The following DNM1L variants were observed in gnomAD, a reference collection of about 807,000 sequenced individuals.
DNM1L encodes the protein dynamin-1-like protein.
DNM1L carries 33 observed loss-of-function variants against 92.8 expected under a neutral mutation model. The ratio of observed to expected loss-of-function variants is 0.36; its 90% CI spans 0.27 to 0.48. The LOEUF is 0.48. DNM1L is among the 20% of genes least tolerant of loss of function. The pLI, the probability that DNM1L is intolerant of heterozygous loss-of-function variation, is 0.99. For missense variants in DNM1L, 485 were observed against 888.8 expected (o/e 0.55, Z 5.78); for synonymous variants, 284 against 305.0 (o/e 0.93, Z 0.72).
rs1342181729 is a variant in DNM1L at position 32,698,465 on chromosome 12, G to C, written c.103-2950G>C. ...GAGCTGTTCTCTTGTTACTAGCCTGGGTTACTGCATTATCCCTTGTGATTT... is the reference window on the plus strand; with the variant it reads ...GAGCTGTTCTCTTGTTACTAGCCTGCGTTACTGCATTATCCCTTGTGATTT... On this transcript the variant is annotated intron_variant, in intron 1 of 19. Coordinates refer to ENST00000549701, the MANE Select transcript of DNM1L (RefSeq NM_012062.5). Among the ~76,000 whole-genome samples the C allele has an allele frequency of 1.3e-3, 203 of 152,174 alleles. 2 individuals are homozygous for C. Among genetic ancestry groups the C allele is most frequent in the Admixed American group, 0.013 (196 of 15,286 alleles).
rs149474930 is a variant in DNM1L, at chr12:32,705,369, T to C, written c.251-1998T>C. 889 of 152,538 alleles carry C rather than the reference T, an allele frequency of 5.8e-3. 2 individuals are homozygous for C. The highest frequency in any genetic ancestry group is 7.5e-3 in the Non-Finnish European group (515 of 68,248). The allele number at this position is 152,538 out of a possible 1,614,324, so 9.4% of individuals were successfully genotyped here. A position where few individuals can be genotyped will look rare whatever the true frequency, so the allele number is the denominator to read the frequency against. On this transcript the variant is annotated intron_variant, in intron 2 of 19. Transcript: ENST00000549701. Reference sequence around the variant, plus strand: ...GAATTAGAAATAATGGTCACATAACTTTTTTATTAATTTTAAAAATTTAAT... The same window carrying C: ...GAATTAGAAATAATGGTCACATAACCTTTTTATTAATTTTAAAAATTTAAT...
At chr12:32,703,057 C>CTTTT (rs781211967) in intron 2 of DNM1L, among the ~76,000 whole-genome samples, 10 of 139,892 alleles carry the variant, frequency 7.1e-5, no homozygotes, top group Middle Eastern at 7.5e-3. Context: ...CTCTCTCTCT[C>CTTTT]TTTTTTTTTT....
At chr12:32,725,811 G>A (rs771621573) in intron 9 of DNM1L, among the ~76,000 whole-genome samples, 47 of 152,076 alleles carry the variant, frequency 3.1e-4, no homozygotes, top group Non-Finnish European at 4.1e-4. Context: ...CACCATGTTG[G>A]TCAGGCTGGT....
In DNM1L at chr12:32,722,296, T is replaced by C. The variant is rs958835630; in HGVS notation, c.873-131T>C. The C allele has an allele frequency of 2.6e-5, 20 of 767,762 alleles. No homozygotes were observed. In the African/African-American group the frequency reaches 3.1e-4, roughly 12 times the overall value. The allele number at this position is 767,762 out of a possible 1,614,324, so 47.6% of individuals were successfully genotyped here. A position where few individuals can be genotyped will look rare whatever the true frequency, so the allele number is the denominator to read the frequency against. ...AGGAAATGAAGACAAAGACCAAATA[T>C]ATATTTCACAGTATCACATTTGCCA... On this transcript the variant is annotated intron_variant, in intron 8 of 19. Transcript: ENST00000549701.
chr12:32,707,428 A>G lies in DNM1L; in HGVS notation c.297+15A>G, dbSNP rs1406398642. 6.4e-7 allele frequency: 1 copy of G among 1,565,998 alleles called. No homozygotes were observed. Among genetic ancestry groups the G allele is most frequent in the East Asian group, 2.3e-5 (1 of 43,960 alleles). On this transcript the variant is annotated intron_variant, in intron 3 of 19. Coordinates refer to ENST00000549701, the MANE Select transcript of DNM1L (RefSeq NM_012062.5). The stretch of plus-strand genomic sequence containing the variant: ...CCAAAAATAAGGTAATCACACATGC[A>G]TATAATGAAGAAATAATGTTGAAAA...
chr12:32,692,817 C>T (rs898934396), intron 1 of DNM1L: 1 of 152,204 alleles, frequency 6.6e-6, no homozygotes, highest in African/African-American at 2.4e-5. Context: ...GTTCCACTCA[C>T]TATCAGTCAC....
chr12:32,702,545 G>T (rs1418782237), intron 2 of DNM1L, among the ~76,000 whole-genome samples: 2 of 152,090 alleles, frequency 1.3e-5, no homozygotes, highest in Non-Finnish European at 1.5e-5. Context: ...TATCTGCAGA[G>T]ATCTGTTTTC....
At chr12:32,706,415 A>G (rs2137330913) in intron 2 of DNM1L, among the ~76,000 whole-genome samples, 1 of 152,346 alleles carries the variant, frequency 6.6e-6, no homozygotes, top group East Asian at 1.9e-4. Context: ...AAATTTGACA[A>G]AAGCAAAACA....
In DNM1L at chr12:32,731,800, A is replaced by G; in HGVS notation, c.1357-54A>G. 1 of 1,478,178 alleles carries G rather than the reference A, an allele frequency of 6.8e-7. No individual in the cohort carries two copies. The highest frequency in any genetic ancestry group is 9.4e-7 in the Non-Finnish European group (1 of 1,059,680). The allele number at this position is 1,478,178 out of a possible 1,614,324, so 91.6% of individuals were successfully genotyped here. ...GGGAGGATGGCTTAGTGAGACTATG[A>G]CTTAAAAAAAAAACAAAAAACAAAC... On this transcript the variant is annotated intron_variant, in intron 11 of 19. Coordinates refer to ENST00000549701, the MANE Select transcript of DNM1L (RefSeq NM_012062.5). This position sits in a 1 kb window ranked among gnomAD's most constrained non-coding sequence, Gnocchi z 5.1.
At chr12:32,727,334 TTTAACTACCCTAGCTAGGCAGGTTGTCAA>T in intron 9 of DNM1L, 1 of 808,084 alleles carries the variant, frequency 1.2e-6, no homozygotes, top group Non-Finnish European at 2.2e-6. Flanking sequence ...TCACTCCTCT[TTTAACTACCCTAGCTAGGCAGGTTGTCAA>T]TGTCTGCCAT....
intron 2 of DNM1L, chr12:32,707,134 C>G (rs1952958319): frequency 2.3e-6 from 1 of 432,434 alleles, no homozygotes; most frequent in African/African-American, 2.0e-5. Flanking sequence ...GCAGCTCTGC[C>G]TGAAGTTGGT....
chr12:32,730,527 C>T (rs1954486848), intron 9 of DNM1L, among the ~76,000 whole-genome samples: 1 of 152,190 alleles, frequency 6.6e-6, no homozygotes. Flanking sequence ...ACAAGCTATA[C>T]TTATTTATTT....
intron 9 of DNM1L, chr12:32,727,662 T>A (rs1255801590): frequency 3.8e-6 from 1 of 265,720 alleles, no homozygotes; most frequent in Non-Finnish European, 7.1e-6. Context: ...ATGCTATACC[T>A]ATCTTGGAAT....
At chr12:32,679,927 C>T (rs1040457150) in intron 1 of DNM1L, 2 of 985,968 alleles carry the variant, frequency 2.0e-6, no homozygotes, top group African/African-American at 1.7e-5. Flanking sequence ...CCCTCCTTGC[C>T]TTGCCCAGGG....
chr12:32,703,929 C>G (rs1272956289), intron 2 of DNM1L, among the ~76,000 whole-genome samples: 1 of 152,074 alleles, frequency 6.6e-6, no homozygotes, highest in African/African-American at 2.4e-5. Flanking sequence ...TCAGCTTGCC[C>G]CCTACTTCTG....
chr12:32,736,878 A>G lies in DNM1L; in HGVS notation c.1540-227A>G, dbSNP rs114663169. 1.5e-3 allele frequency: 765 copies of G among 516,998 alleles called. 5 individuals carry two copies. Among genetic ancestry groups the G allele is most frequent in the African/African-American group, 0.012 (629 of 52,078 alleles). 32.0% of individuals were successfully genotyped at this position (516,998 alleles called of 1,614,324 possible). A position where few individuals can be genotyped will look rare whatever the true frequency, so the allele number is the denominator to read the frequency against. ...AGTACAGGGAGCCACTGTTACTGAC[A>G]GTGTATTGTATCCTTCAGGTGTGTG... On this transcript the variant is annotated intron_variant, in intron 13 of 19. Transcript: ENST00000549701.
At chr12:32,696,555 GCACCACTGCACTCCAGCCTGGGCAA>G (rs1952473832) in intron 1 of DNM1L, among the ~76,000 whole-genome samples, 1 of 151,042 alleles carries the variant, frequency 6.6e-6, no homozygotes, top group African/African-American at 2.4e-5. Flanking sequence ...AGCTGTGATT[GCACCACTGCACTCCAGCCTGGGCAA>G]CAGAGCTAGA....
chr12:32,731,982 G>T lies in DNM1L; in HGVS notation c.1446+39G>T. ...GCATAGATCATTGTAATTACTATTA[G>T]TAAAAGTTTAAATTTTTGCTTGGCT... is the stretch of plus-strand genomic sequence containing the variant. On this transcript the variant is annotated intron_variant, in intron 12 of 19. Transcript: ENST00000549701. This position sits in a 1 kb window ranked among gnomAD's most constrained non-coding sequence, Gnocchi z 5.1. 6.6e-7 allele frequency: 1 copy of T among 1,514,260 alleles called. No individual in the cohort carries two copies. Among genetic ancestry groups the T allele is most frequent in the Non-Finnish European group, 9.2e-7 (1 of 1,090,660 alleles). 93.8% of individuals were successfully genotyped at this position (1,514,260 alleles called of 1,614,324 possible). A position where few individuals can be genotyped will look rare whatever the true frequency, so the allele number is the denominator to read the frequency against.
At chr12:32,724,985 CCA>C (rs1954037373) in intron 9 of DNM1L, among the ~76,000 whole-genome samples, 1 of 151,806 alleles carries the variant, frequency 6.6e-6, no homozygotes. Context: ...TTAGAAGAAA[CCA>C]CACAGAAGCT....
Sources: gnomAD v4.1 joint callset for allele counts (sites outside exome capture counted in the v4.1 genomes callset) on GRCh38, gnomAD v4.1.1 for gene constraint, Gnocchi (gnomAD v3.1) non-coding constraint, MANE v1.5 for transcripts, NCBI Gene and HGNC (gene_info 2026-07-23, HGNC 2026-07-21) for gene names.